Variants in NAALADL2 observed in about 807,000 individuals in gnomAD.
NAALADL2 encodes inactive N-acetylated-alpha-linked acidic dipeptidase-like protein 2.
Under a neutral mutation model 87.2 loss-of-function variants are expected in NAALADL2, and 76 were observed. That is an observed-to-expected ratio of 0.87 (90% CI 0.72 to 1.05). NAALADL2 has a LOEUF of 1.05. Ranked by LOEUF, NAALADL2 falls within the 50% of genes least tolerant of loss-of-function variation. The probability of loss-of-function intolerance (pLI) is 0.00; values close to 1 mark genes in which losing one functional copy is unlikely to be tolerated. For synonymous variants in NAALADL2, 354 were observed against 331.0 expected (o/e 1.07, Z -0.75); for missense variants, 1,089 against 945.8 (o/e 1.15, Z -1.99).
chr3:174,590,125 C>A (rs2108583000), intron 2 of NAALADL2, among the ~76,000 whole-genome samples: 1 of 151,986 alleles, frequency 6.6e-6, no homozygotes. Context: ...CCCTTTTTCT[C>A]TTTTTCGTGG....
At chr3:175,373,390 G>C (rs562098925) in intron 5 of NAALADL2, among the ~76,000 whole-genome samples, 28 of 152,180 alleles carry the variant, frequency 1.8e-4, no homozygotes, top group African/African-American at 6.7e-4. Flanking sequence ...GTCTATTCTA[G>C]AACTTCTTAT....
intron 2 of NAALADL2, among the ~76,000 whole-genome samples, chr3:174,707,737 A>T (rs1730234308): frequency 6.6e-6 from 1 of 152,072 alleles, no homozygotes; most frequent in Non-Finnish European, 1.5e-5. Context: ...TGGCATATGT[A>T]TACATATGTA....
At chr3:174,453,895 A>G (rs896512089) in intron 1 of NAALADL2, among the ~76,000 whole-genome samples, 1 of 152,198 alleles carries the variant, frequency 6.6e-6, no homozygotes, top group African/African-American at 2.4e-5. Context: ...GACAGTATCA[A>G]ATTTCCTCAT....
At chr3:175,040,472 G>A (rs1444507381) in intron 1 of NAALADL2, among the ~76,000 whole-genome samples, 2 of 152,104 alleles carry the variant, frequency 1.3e-5, no homozygotes, top group African/African-American at 4.8e-5. Context: ...ACTTACGGGG[G>A]CCGTTTCCAT....
In NAALADL2 at chr3:175,597,397, G is replaced by A. The variant is rs1185718921; in HGVS notation, c.1800+21210G>A. On this transcript the variant is annotated intron_variant, in intron 10 of 13. Coordinates refer to ENST00000454872, the MANE Select transcript of NAALADL2 (RefSeq NM_207015.3). ...GAGATGTGTTAAGATCTTTTAGTGA[G>A]AATGAATTTGTAGAAGTGTGGTTTT... is the stretch of plus-strand genomic sequence containing the variant. Among the ~76,000 whole-genome samples the A allele has an allele frequency of 2.6e-5, 4 of 152,006 alleles. No homozygotes were observed. The East Asian group carries it at 7.7e-4, about 29-fold the overall frequency.
intron 5 of NAALADL2, among the ~76,000 whole-genome samples, chr3:175,410,786 CT>C (rs1169711694): frequency 6.6e-6 from 1 of 152,070 alleles, no homozygotes; most frequent in Non-Finnish European, 1.5e-5. Context: ...GCTTAGAGAA[CT>C]CGGCAGGTGG....
At chr3:175,347,219 G>A (rs543872020) in intron 5 of NAALADL2, among the ~76,000 whole-genome samples, 4 of 152,208 alleles carry the variant, frequency 2.6e-5, no homozygotes, top group South Asian at 4.1e-4. Context: ...TCTCCCTTTC[G>A]TCAAGTGGTG....
chr3:175,666,160 C>G (rs1366052944), intron 11 of NAALADL2, among the ~76,000 whole-genome samples: 2 of 151,996 alleles, frequency 1.3e-5, no homozygotes, highest in Non-Finnish European at 2.9e-5. Flanking sequence ...TTCTGTGGTA[C>G]TTCTGTGTTG....
chr3:175,614,967 C>T (rs1333548397), intron 10 of NAALADL2, among the ~76,000 whole-genome samples: 1 of 151,934 alleles, frequency 6.6e-6, no homozygotes, highest in Non-Finnish European at 1.5e-5. Flanking sequence ...TGTAAATTTA[C>T]CAAGTAAGCA....
chr3:174,775,987 T>C (rs963760369), intron 3 of NAALADL2, among the ~76,000 whole-genome samples: 1 of 152,164 alleles, frequency 6.6e-6, no homozygotes, highest in African/African-American at 2.4e-5. Flanking sequence ...CTTTAAAATG[T>C]CCTACTATTG....
chr3:174,950,645 T>C (rs983288859), intron 1 of NAALADL2, among the ~76,000 whole-genome samples: 18 of 152,134 alleles, frequency 1.2e-4, no homozygotes, highest in African/African-American at 3.6e-4. Flanking sequence ...AGAAAATTAT[T>C]CCCCCAAATA....
At chr3:174,748,024 A>G (rs1462211400) in intron 3 of NAALADL2, among the ~76,000 whole-genome samples, 2 of 152,104 alleles carry the variant, frequency 1.3e-5, no homozygotes, top group Non-Finnish European at 2.9e-5. Context: ...ACGTGGGTGG[A>G]GCTGGAAGCC....
At chr3:174,900,894 TAC>T (rs1408858870) in intron 1 of NAALADL2, among the ~76,000 whole-genome samples, 2 of 152,110 alleles carry the variant, frequency 1.3e-5, no homozygotes, top group Non-Finnish European at 2.9e-5. Context: ...CCTTCCCCTA[TAC>T]TTTGTCATGA....
intron 13 of NAALADL2, among the ~76,000 whole-genome samples, chr3:175,772,979 TA>T (rs1366998999): frequency 6.6e-6 from 1 of 152,054 alleles, no homozygotes; most frequent in East Asian, 1.9e-4. Context: ...AATCGAGGAG[TA>T]AAAGGTTTGT....
At chr3:175,519,375 T>C (rs775487679) in intron 9 of NAALADL2, among the ~76,000 whole-genome samples, 30 of 152,176 alleles carry the variant, frequency 2.0e-4, no homozygotes, top group Non-Finnish European at 3.5e-4. Flanking sequence ...AGAAAAACTT[T>C]TGCTTCTGAG....
intron 13 of NAALADL2, among the ~76,000 whole-genome samples, chr3:175,802,328 T>TGG (rs5854660): frequency 6.8e-4 from 102 of 150,856 alleles, no homozygotes; most frequent in South Asian, 2.5e-3. Flanking sequence ...GATTTTTTTT[T>TGG]GGGGGGGGAC....
chr3:175,542,240 T>C (rs1712479117), intron 9 of NAALADL2, among the ~76,000 whole-genome samples: 1 of 152,232 alleles, frequency 6.6e-6, no homozygotes, highest in Non-Finnish European at 1.5e-5. Context: ...TTTAATGAAC[T>C]AAGAAGTTTC....
chr3:175,423,028 A>AAAAAATATAT (rs1438736874), intron 5 of NAALADL2, among the ~76,000 whole-genome samples: 2 of 111,304 alleles, frequency 1.8e-5, no homozygotes, highest in African/African-American at 4.1e-5. Flanking sequence ...GAAAAAAAAA[A>AAAAAATATAT]ATATATATAT....
chr3:175,426,944 A>G (rs573559120), intron 5 of NAALADL2, among the ~76,000 whole-genome samples: 1 of 152,278 alleles, frequency 6.6e-6, no homozygotes, highest in South Asian at 2.1e-4. Flanking sequence ...TGTGCTGACT[A>G]AGCAACCTGA....
Sources: gnomAD v4.1 joint callset for allele counts (sites outside exome capture counted in the v4.1 genomes callset) on GRCh38, gnomAD v4.1.1 for gene constraint, MANE v1.5 for transcripts, NCBI Gene and HGNC (gene_info 2026-07-23, HGNC 2026-07-21) for gene names.